Variants in EYS observed in about 807,000 individuals in gnomAD.
EYS encodes protein eyes shut homolog.
In EYS, 250 loss-of-function variants were observed where a neutral mutation model predicts 282.1. The ratio of observed to expected loss-of-function variants is 0.89; its 90% CI spans 0.80 to 0.98. The LOEUF (loss-of-function observed/expected upper bound fraction) is 0.98. Ranked by LOEUF, EYS falls within the 50% of genes least tolerant of loss-of-function variation. The pLI is 0.00. For missense variants in EYS, 4,016 were observed against 3,709.0 expected, an observed-to-expected ratio of 1.08 and a Z score of -2.15; for synonymous variants, 1,355 against 1,282.9, an observed-to-expected ratio of 1.06 and a Z score of -1.20.
intron 2 of EYS, among the ~76,000 whole-genome samples, chr6:65,497,188 G>A (rs938532549): frequency 8.6e-5 from 13 of 151,938 alleles, no homozygotes; most frequent in Admixed American, 6.6e-5. Context: ...CTATGTGCAA[G>A]GCAATATGCT....
At chr6:65,494,075 C>T (rs547425936) in intron 4 of EYS, among the ~76,000 whole-genome samples, 1 of 152,068 alleles carries the variant, frequency 6.6e-6, no homozygotes, top group Non-Finnish European at 1.5e-5. Flanking sequence ...ATGTATGAGA[C>T]GTTAAGAATG....
chr6:63,860,391 GT>G, intron 36 of EYS, among the ~76,000 whole-genome samples: 1 of 152,200 alleles, frequency 6.6e-6, no homozygotes, highest in Non-Finnish European at 1.5e-5. Flanking sequence ...GCTAAAGCTT[GT>G]ACTCTCAGCA....
At chr6:63,828,763 CTA>C (rs925469131) in intron 36 of EYS, among the ~76,000 whole-genome samples, 36 of 152,272 alleles carry the variant, frequency 2.4e-4, no homozygotes, top group African/African-American at 8.4e-4. Flanking sequence ...TGTGATACCA[CTA>C]TACTCCTGCA....
At chr6:65,255,189 A>G (rs1299541115) in intron 12 of EYS, among the ~76,000 whole-genome samples, 1 of 151,932 alleles carries the variant, frequency 6.6e-6, no homozygotes, top group African/African-American at 2.4e-5. Context: ...ACATAGACCA[A>G]TGGAATAGAA....
chr6:65,500,717 A>C (rs966068625), intron 2 of EYS, among the ~76,000 whole-genome samples: 9 of 152,008 alleles, frequency 5.9e-5, no homozygotes, highest in Non-Finnish European at 1.0e-4. Flanking sequence ...TGAAGAAGAA[A>C]TAATAGGCAG....
At chr6:65,052,768 G>C (rs531996599) in intron 13 of EYS, among the ~76,000 whole-genome samples, 3 of 151,552 alleles carry the variant, frequency 2.0e-5, no homozygotes, top group African/African-American at 7.3e-5. Context: ...CCTTCAAAAA[G>C]AAATACGTAT....
chr6:63,729,997 C>T (rs550302585), intron 41 of EYS, among the ~76,000 whole-genome samples: 13 of 152,260 alleles, frequency 8.5e-5, no homozygotes, highest in African/African-American at 3.1e-4. Flanking sequence ...TGAGTTATAT[C>T]GAACTTAACA....
intron 12 of EYS, among the ~76,000 whole-genome samples, chr6:65,220,594 C>T (rs1485268300): frequency 6.6e-6 from 1 of 152,130 alleles, no homozygotes; most frequent in East Asian, 1.9e-4. Flanking sequence ...ATTACTCAGT[C>T]TTGAGTATGT....
intron 32 of EYS, 120 bp from the exon 33 acceptor site, chr6:64,066,611 A>G (rs1771381797): frequency 1.5e-6 from 1 of 667,354 alleles, no homozygotes; most frequent in South Asian, 2.0e-5. Flanking sequence ...TAGGAGTGCT[A>G]TTAGATAATT....
At chr6:63,741,885 T>C (rs191087829) in intron 41 of EYS, 89 of 702,018 alleles carry the variant, frequency 1.3e-4, no homozygotes, top group Non-Finnish European at 2.9e-5. Flanking sequence ...TCGTATGTTT[T>C]TGTTTTGCTG....
At position 64,066,416 on chromosome 6, in the gene EYS, C is replaced by T. The variant is rs368138752; in HGVS notation, c.6647G>A (p.Cys2216Tyr). ...AGTCAAAATATTTTGAGAATTTCCACACCCATATTTAACTGATGGCCTTCC... is the reference window on the plus strand; with the variant it reads ...AGTCAAAATATTTTGAGAATTTCCATACCCATATTTAACTGATGGCCTTCC... ...VEGRPSVKYG[C>Y]GNSQNILTVS... The change falls in exon 33 of 43, where the codon TGT becomes TAT. Residue 2216 changes from cysteine to tyrosine, a missense_variant. Cys to Tyr is a radical substitution (Grantham distance 194). Transcript: ENST00000503581. 8 of 1,550,100 alleles carry T rather than the reference C, an allele frequency of 5.2e-6. No homozygotes were observed. The highest frequency in any genetic ancestry group is 2.7e-5 in the African/African-American group (2 of 72,988).
chr6:65,492,708 T>C (rs529381222), intron 4 of EYS, among the ~76,000 whole-genome samples: 1 of 152,302 alleles, frequency 6.6e-6, no homozygotes, highest in East Asian at 1.9e-4. Flanking sequence ...AGGTATAACT[T>C]GCACCTTCTA....
intron 14 of EYS, among the ~76,000 whole-genome samples, chr6:64,976,052 A>T (rs2150113685): frequency 1.3e-5 from 2 of 152,062 alleles, no homozygotes; most frequent in South Asian, 4.1e-4. Context: ...TTATTAAATG[A>T]ATCTATTATA....
At chr6:65,667,562 C>T (rs1467679924) in intron 1 of EYS, among the ~76,000 whole-genome samples, 1 of 151,708 alleles carries the variant, frequency 6.6e-6, no homozygotes. Flanking sequence ...TCCCAACTAC[C>T]AAATCAATTG....
At chr6:65,459,965 ATT>A (rs1341336374) in intron 5 of EYS, among the ~76,000 whole-genome samples, 12 of 60,430 alleles carry the variant, frequency 2.0e-4, no homozygotes, top group Admixed American at 7.3e-4. Context: ...GTGTTTGTGT[ATT>A]TTATATATAT....
At chr6:63,912,111 T>C (rs1933354184) in intron 35 of EYS, among the ~76,000 whole-genome samples, 1 of 152,216 alleles carries the variant, frequency 6.6e-6, no homozygotes, top group Non-Finnish European at 1.5e-5. Context: ...ATTTGCAAAG[T>C]TGTAGAGAGG....
chr6:64,098,892 T>C (rs916450358), intron 31 of EYS, among the ~76,000 whole-genome samples: 2 of 152,182 alleles, frequency 1.3e-5, no homozygotes, highest in African/African-American at 4.8e-5. Flanking sequence ...CATGAGCCAC[T>C]GCACCTGGCC....
intron 2 of EYS, among the ~76,000 whole-genome samples, chr6:65,631,731 C>A (rs997303733): frequency 6.6e-6 from 1 of 152,124 alleles, no homozygotes; most frequent in Non-Finnish European, 1.5e-5. Flanking sequence ...ATTGTGTCAG[C>A]AGTTCTAATG....
In EYS at chr6:63,898,359, C is replaced by T. The variant is rs920191049; in HGVS notation, c.7056-34001G>A. 2.6e-5 allele frequency among the ~76,000 whole-genome samples: 4 copies of T among 152,040 alleles called. No homozygotes were observed. The East Asian group carries it at 5.8e-4, about 22-fold the overall frequency. ...AAAAAAATTTAGCTGGGCGTGGTGG[C>T]GCATGTCTGTAATCCCAGCTGCTCA... On this transcript the variant is annotated intron_variant, in intron 35 of 42. Transcript: ENST00000503581.
Sources: gnomAD v4.1 joint callset for allele counts (sites outside exome capture counted in the v4.1 genomes callset) on GRCh38, gnomAD v4.1.1 for gene constraint, MANE v1.5 for transcripts, NCBI Gene and HGNC (gene_info 2026-07-23, HGNC 2026-07-21) for gene names.